The following ROBO2 variants were observed in gnomAD, a reference collection of about 807,000 sequenced individuals.
ROBO2 encodes the protein roundabout guidance receptor 2, also known as roundabout homolog 2.
Under a neutral mutation model 160.8 loss-of-function variants are expected in ROBO2, and 53 were observed. The ratio of observed to expected loss-of-function variants is 0.33; its 90% confidence interval spans 0.26 to 0.41. ROBO2 has a LOEUF of 0.41. Among genes scored for constraint, ROBO2 ranks in the 10% least tolerant of loss-of-function variants. ROBO2 has a pLI of 1.00. For missense variants in ROBO2, 1,577 were observed against 1,722.4 expected, an observed-to-expected ratio of 0.92 and a Z score of 1.49; for synonymous variants, 664 against 611.7, an observed-to-expected ratio of 1.09 and a Z score of -1.26.
rs1375091700 is a variant in ROBO2, at chr3:76,272,914, TA to T, written c.109+335316del. Among the ~76,000 whole-genome samples the T allele has an allele frequency of 2.4e-3, 45 of 19,046 alleles. 3 individuals carry two copies. Among genetic ancestry groups the T allele is most frequent in the Non-Finnish European group, 4.9e-3 (26 of 5,296 alleles). 12.5% of individuals were successfully genotyped at this position (19,046 alleles called of 152,430 possible). On this transcript the variant is annotated intron_variant, in intron 2 of 26. Transcript: ENST00000487694. Reference sequence around the variant, plus strand: ...TAAAAATATAATATATATTTATATATAAAATATATATATTTATATATAAATA... The same window carrying T: ...TAAAAATATAATATATATTTATATATAAATATATATATTTATATATAAATA...
intron 2 of ROBO2, among the ~76,000 whole-genome samples, chr3:76,459,915 A>C (rs1274363290): frequency 6.6e-6 from 1 of 152,176 alleles, no homozygotes; most frequent in African/African-American, 2.4e-5. Context: ...GTGTGGTTTA[A>C]CAAATGAACC....
At chr3:76,016,686 G>A (rs551668052) in intron 2 of ROBO2, among the ~76,000 whole-genome samples, 36 of 151,938 alleles carry the variant, frequency 2.4e-4, no homozygotes, top group Non-Finnish European at 4.0e-4. Context: ...TCTTCATGCC[G>A]TGGGCCATAT....
intron 2 of ROBO2, among the ~76,000 whole-genome samples, chr3:76,384,146 T>A (rs2076769066): frequency 6.6e-6 from 1 of 152,228 alleles, no homozygotes; most frequent in Admixed American, 6.5e-5. Flanking sequence ...GTCATTTCAA[T>A]TGGAGTGAAT....
chr3:77,564,838 G>C, intron 11 of ROBO2, 116 bp from the exon 13 acceptor site: 1 of 448,114 alleles, frequency 2.2e-6, no homozygotes, highest in Non-Finnish European at 4.0e-6. Context: ...TTCAAGTGTT[G>C]TGTGTGTGTG....
intron 1 of ROBO2, among the ~76,000 whole-genome samples, chr3:77,043,526 G>A (rs2064307155): frequency 6.6e-6 from 1 of 152,120 alleles, no homozygotes; most frequent in African/African-American, 2.4e-5. Flanking sequence ...CAAATATTAA[G>A]TTAGTTGAGA....
At chr3:77,628,362 A>C (rs770554990) in intron 23 of ROBO2, among the ~76,000 whole-genome samples, 5 of 150,576 alleles carry the variant, frequency 3.3e-5, no homozygotes, top group Non-Finnish European at 7.4e-5. Flanking sequence ...ATCAGTTATC[A>C]CAAAAGTGAC....
At chr3:76,108,623 A>G (rs955483283) in intron 2 of ROBO2, among the ~76,000 whole-genome samples, 2 of 151,702 alleles carry the variant, frequency 1.3e-5, no homozygotes, top group Admixed American at 6.6e-5. Flanking sequence ...ATTTTCCTCA[A>G]TTCTTCATAG....
chr3:77,297,528 C>A (rs72895180), intron 2 of ROBO2, among the ~76,000 whole-genome samples: 5,724 of 152,176 alleles, frequency 0.038, 355 homozygotes, highest in African/African-American at 0.13. Context: ...AAACTCCCTC[C>A]GGAATGCTGG....
intron 2 of ROBO2, among the ~76,000 whole-genome samples, chr3:76,359,564 G>C (rs777582816): frequency 3.9e-5 from 6 of 151,942 alleles, no homozygotes; most frequent in Non-Finnish European, 8.8e-5. Context: ...ACGCACAATG[G>C]TAAGATGATC....
intron 2 of ROBO2, among the ~76,000 whole-genome samples, chr3:76,552,707 A>T (rs1021870603): frequency 6.6e-6 from 1 of 152,196 alleles, no homozygotes. Context: ...TATATAATCT[A>T]TATTTGAGTG....
intron 2 of ROBO2, among the ~76,000 whole-genome samples, chr3:77,182,538 A>G (rs995408555): frequency 3.3e-5 from 5 of 152,064 alleles, no homozygotes; most frequent in Admixed American, 1.3e-4. Flanking sequence ...CTTTTGAATA[A>G]TACATGAAAG....
chr3:77,383,382 A>T (rs2073759774), intron 2 of ROBO2, among the ~76,000 whole-genome samples: 1 of 152,102 alleles, frequency 6.6e-6, no homozygotes, highest in Admixed American at 6.6e-5. Flanking sequence ...TAACATTAAA[A>T]TTTGGAAACA....
intron 2 of ROBO2, among the ~76,000 whole-genome samples, chr3:76,806,207 C>CCGTGTGCGTGTGTG (rs2064691289): frequency 2.5e-5 from 2 of 80,420 alleles, no homozygotes; most frequent in African/African-American, 9.1e-5. Flanking sequence ...TGTTTATTTT[C>CCGTGTGCGTGTGTG]TGTGTGCGTG....
chr3:76,618,126 C>T (rs2088747957), intron 2 of ROBO2, among the ~76,000 whole-genome samples: 1 of 151,598 alleles, frequency 6.6e-6, no homozygotes, highest in Non-Finnish European at 1.5e-5. Flanking sequence ...AAACCAGAGC[C>T]AGGGAGGACT....
chr3:77,103,142 G>C (rs1472445303), intron 2 of ROBO2, among the ~76,000 whole-genome samples: 1 of 152,180 alleles, frequency 6.6e-6, no homozygotes, highest in Non-Finnish European at 1.5e-5. Flanking sequence ...CTGTGATGCA[G>C]CTGAGTCAGT....
At chr3:76,998,066 A>G (rs2061124486) in intron 2 of ROBO2, among the ~76,000 whole-genome samples, 2 of 152,184 alleles carry the variant, frequency 1.3e-5, no homozygotes, top group Admixed American at 6.5e-5. Flanking sequence ...AAAGCAAGCC[A>G]CAAGACCAGC....
intron 2 of ROBO2, among the ~76,000 whole-genome samples, chr3:77,272,166 A>T (rs1248061767): frequency 6.6e-6 from 1 of 152,214 alleles, no homozygotes; most frequent in South Asian, 2.1e-4. Flanking sequence ...AAATTGATGA[A>T]CTAGTTTAAG....
chr3:76,338,557 T>C (rs900453606), intron 2 of ROBO2, among the ~76,000 whole-genome samples: 8 of 151,974 alleles, frequency 5.3e-5, no homozygotes, highest in African/African-American at 1.9e-4. Flanking sequence ...CCTGTAGTAC[T>C]ATCTACTTGG....
chr3:76,416,422 G>T (rs539616051), intron 2 of ROBO2, among the ~76,000 whole-genome samples: 1 of 151,734 alleles, frequency 6.6e-6, no homozygotes, highest in Non-Finnish European at 1.5e-5. Flanking sequence ...AACTGTGTGT[G>T]TGTGGGGGGG....
Sources: allele counts gnomAD v4.1 joint callset (sites outside exome capture counted in the v4.1 genomes callset), GRCh38; gene constraint gnomAD v4.1.1; transcripts MANE v1.5; gene names NCBI Gene and HGNC (gene_info 2026-07-23, HGNC 2026-07-21).